SSBP2: variants seen among roughly 807,000 people sequenced by gnomAD.
SSBP2 encodes the protein single-stranded DNA-binding protein 2.
In SSBP2, 17 loss-of-function variants were observed where a neutral mutation model predicts 61.8. The observed-to-expected ratio is 0.28, with a 90% CI of 0.19 to 0.41. SSBP2 has a LOEUF of 0.41. SSBP2 is among the 10% of genes least tolerant of loss of function. The pLI is 1.00. For missense variants in SSBP2, 310 were observed against 458.7 expected, an observed-to-expected ratio of 0.68 and a Z score of 2.96; for synonymous variants, 139 against 141.3, an observed-to-expected ratio of 0.98 and a Z score of 0.12.
At chr5:81,553,212 A>G (rs6890850) in intron 4 of SSBP2, among the ~76,000 whole-genome samples, 71,122 of 152,082 alleles carry the variant, frequency 0.47, 21,180 homozygotes, top group African/African-American at 0.85. Flanking sequence ...CGAAATGTAC[A>G]TGCAAAACCT....
At position 81,501,212 on chromosome 5, in the gene SSBP2, AATATATATAT is replaced by A. The variant is rs1167504052; in HGVS notation, c.373-11913_373-11904del. On this transcript the variant is annotated intron_variant, in intron 5 of 16. Coordinates refer to ENST00000320672, the MANE Select transcript of SSBP2 (RefSeq NM_012446.5). Reference sequence around the variant, plus strand: ...GGTGACAGAGGGAGACTCCATCTCAAATATATATATATATATATATATATATATATATATA... The same window carrying A: ...GGTGACAGAGGGAGACTCCATCTCAAATATATATATATATATATATATATA... Among the ~76,000 whole-genome samples, 173 of 28,770 alleles carry A rather than the reference AATATATATAT, an allele frequency of 6.0e-3. 5 individuals carry two copies. The highest frequency in any genetic ancestry group is 0.01 in the Non-Finnish European group (123 of 12,216). 18.9% of individuals were successfully genotyped at this position (28,770 alleles called of 152,430 possible). A position where few individuals can be genotyped will look rare whatever the true frequency, so the allele number is the denominator to read the frequency against.
At chr5:81,507,104 T>C (rs576370559) in intron 5 of SSBP2, among the ~76,000 whole-genome samples, 23 of 152,142 alleles carry the variant, frequency 1.5e-4, no homozygotes, top group Admixed American at 5.9e-4. Context: ...TTGCTAAAAA[T>C]AGAAAGTCTA....
intron 6 of SSBP2, among the ~76,000 whole-genome samples, chr5:81,480,380 A>G (rs1391180075): frequency 6.6e-6 from 1 of 152,232 alleles, no homozygotes; most frequent in Non-Finnish European, 1.5e-5. Context: ...TGTTTACACC[A>G]TACCGTAGTC....
chr5:81,636,919 T>C (rs905633754), intron 2 of SSBP2, among the ~76,000 whole-genome samples: 12 of 152,208 alleles, frequency 7.9e-5, no homozygotes, highest in African/African-American at 2.9e-4. Flanking sequence ...AGACTGGAGA[T>C]CCATACACTA....
chr5:81,536,024 C>T (rs954272226), intron 4 of SSBP2, among the ~76,000 whole-genome samples: 6 of 151,848 alleles, frequency 4.0e-5, no homozygotes, highest in Admixed American at 3.3e-4. Flanking sequence ...CAAAAATATA[C>T]AAACAACTTT....
At position 81,749,180 on chromosome 5, in the gene SSBP2, G is replaced by A. The variant is rs190833129; in HGVS notation, c.62+1801C>T. Among the ~76,000 whole-genome samples the A allele has an allele frequency of 1.2e-4, 19 of 152,180 alleles. No individual in the cohort carries two copies. In the East Asian group the frequency reaches 3.1e-3, roughly 25 times the overall value. On this transcript the variant is annotated intron_variant, in intron 1 of 16. Transcript: ENST00000320672. ...ACTGCATTTCAAAACTTCAATTCTA[G>A]TAACTGCCGTTTCTTAACCAGGCTA... is the stretch of plus-strand genomic sequence containing the variant.
chr5:81,712,728 G>GTTTTTTT (rs34642922), intron 1 of SSBP2, among the ~76,000 whole-genome samples: 2 of 142,236 alleles, frequency 1.4e-5, no homozygotes. Flanking sequence ...TTGTTTCTTT[G>GTTTTTTT]TTTTTTTTTT....
At chr5:81,493,357 T>G (rs1274557180) in intron 5 of SSBP2, among the ~76,000 whole-genome samples, 1 of 151,882 alleles carries the variant, frequency 6.6e-6, no homozygotes, top group Non-Finnish European at 1.5e-5. Flanking sequence ...TGATCATGGC[T>G]CCCTGCAGCC....
At chr5:81,420,569 T>C in intron 16 of SSBP2, 36 bp from the exon 17 acceptor site, 6 of 1,581,648 alleles carry the variant, frequency 3.8e-6, no homozygotes, top group Non-Finnish European at 5.2e-6. Context: ...TTAACAACAA[T>C]TCTTTTAGAG....
chr5:81,551,096 G>GAAA (rs35816072), intron 4 of SSBP2, among the ~76,000 whole-genome samples: 11 of 80,178 alleles, frequency 1.4e-4, no homozygotes, highest in African/African-American at 2.5e-4. Flanking sequence ...ACTCCATCTC[G>GAAA]AAAAAAAAAA....
intron 1 of SSBP2, among the ~76,000 whole-genome samples, chr5:81,734,165 T>C (rs1756445727): frequency 6.6e-6 from 1 of 152,216 alleles, no homozygotes; most frequent in Admixed American, 6.5e-5. Context: ...CCTATACTTG[T>C]TTCTTTGCCT....
At chr5:81,483,853 C>T (rs1167661520) in intron 6 of SSBP2, among the ~76,000 whole-genome samples, 4 of 152,068 alleles carry the variant, frequency 2.6e-5, no homozygotes, top group Middle Eastern at 3.4e-3. Context: ...AGCTCTTTAC[C>T]ACATGCAGCA....
chr5:81,736,475 T>C (rs1453486737), intron 1 of SSBP2, among the ~76,000 whole-genome samples: 1 of 152,248 alleles, frequency 6.6e-6, no homozygotes, highest in Non-Finnish European at 1.5e-5. Context: ...TATCTTTTGC[T>C]GCCTTTTCTC....
chr5:81,680,190 G>A (rs571921631), intron 1 of SSBP2, among the ~76,000 whole-genome samples: 1 of 151,602 alleles, frequency 6.6e-6, no homozygotes, highest in South Asian at 2.1e-4. Flanking sequence ...TACATCACCA[G>A]CTTTCCTGGG....
At chr5:81,733,323 AG>A (rs1337179111) in intron 1 of SSBP2, among the ~76,000 whole-genome samples, 1 of 152,164 alleles carries the variant, frequency 6.6e-6, no homozygotes, top group Non-Finnish European at 1.5e-5. Context: ...ACAAATATAG[AG>A]GGAAAAGAGA....
chr5:81,454,549 T>G (rs1429951171), intron 10 of SSBP2, among the ~76,000 whole-genome samples: 2 of 151,938 alleles, frequency 1.3e-5, no homozygotes, highest in East Asian at 3.9e-4. Flanking sequence ...GGCATGGTGG[T>G]CAGTGCCTGT....
chr5:81,445,753 T>C (rs1273537322), intron 12 of SSBP2, among the ~76,000 whole-genome samples: 1 of 152,174 alleles, frequency 6.6e-6, no homozygotes, highest in African/African-American at 2.4e-5. Context: ...GTTAAAAACA[T>C]ATGAGTTTAA....
chr5:81,553,005 G>A (rs1404458974), intron 4 of SSBP2, among the ~76,000 whole-genome samples: 1 of 152,180 alleles, frequency 6.6e-6, no homozygotes, highest in Non-Finnish European at 1.5e-5. Flanking sequence ...CACAGTAGCA[G>A]TTCAGGAAAT....
chr5:81,597,352 GA>G (rs1169277009), intron 4 of SSBP2, among the ~76,000 whole-genome samples: 2 of 152,134 alleles, frequency 1.3e-5, no homozygotes, highest in Non-Finnish European at 2.9e-5. Flanking sequence ...TTAAAGTCAG[GA>G]AACAACAGGT....
Sources: allele counts gnomAD v4.1 joint callset (sites outside exome capture counted in the v4.1 genomes callset), GRCh38; gene constraint gnomAD v4.1.1; transcripts MANE v1.5; gene names NCBI Gene and HGNC (gene_info 2026-07-23, HGNC 2026-07-21).